SPATA16: variants seen among roughly 807,000 people sequenced by gnomAD.
SPATA16 encodes spermatogenesis-associated protein 16.
SPATA16 carries 36 observed loss-of-function variants against 63.3 expected under a neutral mutation model. The observed-to-expected ratio is 0.57, with a 90% CI of 0.44 to 0.75. SPATA16 has a LOEUF of 0.75. Ranked by LOEUF, SPATA16 falls within the 30% of genes least tolerant of loss-of-function variation. SPATA16 has a pLI of 0.00. For missense variants in SPATA16, 646 were observed against 679.3 expected, an observed-to-expected ratio of 0.95 and a Z score of 0.54; for synonymous variants, 203 against 216.7, an observed-to-expected ratio of 0.94 and a Z score of 0.56.
intron 6 of SPATA16, among the ~76,000 whole-genome samples, chr3:172,938,254 A>C (rs1733057878): frequency 1.3e-5 from 2 of 152,196 alleles, no homozygotes; most frequent in East Asian, 3.8e-4. Context: ...GGAGAGGTAA[A>C]AGGGAGAGGC....
intron 8 of SPATA16, among the ~76,000 whole-genome samples, chr3:172,921,657 G>C (rs1427397156): frequency 6.6e-6 from 1 of 151,968 alleles, no homozygotes; most frequent in African/African-American, 2.4e-5. Flanking sequence ...AAGAAAAAAA[G>C]AAGGTCTGTA....
At chr3:173,059,331 A>G (rs1368376002) in intron 2 of SPATA16, among the ~76,000 whole-genome samples, 2 of 129,068 alleles carry the variant, frequency 1.5e-5, no homozygotes, top group African/African-American at 6.0e-5. Flanking sequence ...TAGTTCTTTT[A>G]CTAATGTCTT....
At chr3:172,959,946 A>G (rs954219707) in intron 5 of SPATA16, among the ~76,000 whole-genome samples, 1 of 151,308 alleles carries the variant, frequency 6.6e-6, no homozygotes, top group African/African-American at 2.4e-5. Context: ...CAAAAGATTA[A>G]ATTTTCACTT....
chr3:173,094,096 T>C (rs1029969162), intron 2 of SPATA16, among the ~76,000 whole-genome samples: 1 of 152,024 alleles, frequency 6.6e-6, no homozygotes, highest in Non-Finnish European at 1.5e-5. Flanking sequence ...TTTCTTTGTA[T>C]AGTAACACAC....
At chr3:173,042,743 C>A (rs1252634282) in intron 3 of SPATA16, among the ~76,000 whole-genome samples, 1 of 152,060 alleles carries the variant, frequency 6.6e-6, no homozygotes, top group Non-Finnish European at 1.5e-5. Flanking sequence ...AGCAGGGATT[C>A]AAATCTATGC....
At chr3:173,067,732 T>C (rs1230697105) in intron 2 of SPATA16, among the ~76,000 whole-genome samples, 4 of 152,066 alleles carry the variant, frequency 2.6e-5, no homozygotes, top group African/African-American at 7.2e-5. Flanking sequence ...TCCAAACTTA[T>C]AGAAAGACAT....
At chr3:172,975,438 A>G (rs956429972) in intron 5 of SPATA16, among the ~76,000 whole-genome samples, 4 of 152,086 alleles carry the variant, frequency 2.6e-5, no homozygotes, top group East Asian at 1.9e-4. Context: ...ATATTTTCCA[A>G]TCCTTAAGAT....
rs560316393 is a variant in SPATA16, at chr3:173,131,677, C to T, written c.-19+9426G>A. 8.5e-5 allele frequency among the ~76,000 whole-genome samples: 13 copies of T among 152,212 alleles called. No individual in the cohort carries two copies. In the South Asian group the frequency reaches 2.5e-3, roughly 29 times the overall value. ...TTTGCGGTCTTACGAGACAAGGATC[C>T]ACAGGAGAAAGGGCTTTGGAGAAAC... is the stretch of plus-strand genomic sequence containing the variant. On this transcript the variant is annotated intron_variant, in intron 1 of 10. Coordinates refer to ENST00000351008, the MANE Select transcript of SPATA16 (RefSeq NM_031955.6).
intron 6 of SPATA16, among the ~76,000 whole-genome samples, chr3:172,939,859 C>T (rs1363451663): frequency 3.3e-5 from 5 of 152,186 alleles, no homozygotes; most frequent in African/African-American, 1.2e-4. Context: ...AAGAAACCAA[C>T]TATGTGATTA....
chr3:173,028,013 C>CCCTCCCTTCTTTCCTT (rs1560100953), intron 3 of SPATA16, among the ~76,000 whole-genome samples: 24 of 35,064 alleles, frequency 6.8e-4, no homozygotes, highest in African/African-American at 2.7e-3. Context: ...CTCCCTCCCT[C>CCCTCCCTTCTTTCCTT]CCTTCCTTCT....
intron 1 of SPATA16, among the ~76,000 whole-genome samples, chr3:173,139,679 A>C (rs963562206): frequency 3.3e-5 from 5 of 152,184 alleles, no homozygotes; most frequent in African/African-American, 9.7e-5. Context: ...AGCTTCAGTC[A>C]CTGTGTGTCT....
At chr3:173,026,519 G>A (rs1381022294) in intron 3 of SPATA16, among the ~76,000 whole-genome samples, 6 of 151,764 alleles carry the variant, frequency 4.0e-5, no homozygotes, top group Admixed American at 3.3e-4. Context: ...CTTAATCCAA[G>A]GTGACAAAGA....
chr3:173,088,011 T>C (rs1231264191), intron 2 of SPATA16, among the ~76,000 whole-genome samples: 1 of 28,954 alleles, frequency 3.5e-5, no homozygotes, highest in East Asian at 8.8e-4. Flanking sequence ...TCTTTCCGTC[T>C]TTCTTTCTTT....
chr3:173,038,979 G>A (rs946865046), intron 3 of SPATA16, among the ~76,000 whole-genome samples: 4 of 152,134 alleles, frequency 2.6e-5, no homozygotes, highest in South Asian at 2.1e-4. Flanking sequence ...CTAGCCAGCA[G>A]TTTTGCAAGG....
chr3:172,898,685 C>T (rs987684765), intron 10 of SPATA16, among the ~76,000 whole-genome samples: 16 of 150,150 alleles, frequency 1.1e-4, no homozygotes, highest in African/African-American at 3.9e-4. Context: ...CATTGATTTT[C>T]TTTATTTTTC....
intron 4 of SPATA16, among the ~76,000 whole-genome samples, chr3:173,011,016 A>G (rs148341058): frequency 1.5e-3 from 221 of 152,188 alleles, no homozygotes; most frequent in African/African-American, 5.0e-3. Flanking sequence ...TACAAAGAAG[A>G]GCTGGAGCAA....
At chr3:173,120,300 T>A (rs1391569086) in intron 1 of SPATA16, among the ~76,000 whole-genome samples, 1 of 152,206 alleles carries the variant, frequency 6.6e-6, no homozygotes, top group Non-Finnish European at 1.5e-5. Flanking sequence ...CTCTGTTGAA[T>A]GAACACTCCG....
chr3:173,095,605 C>T (rs1737332904), intron 2 of SPATA16, among the ~76,000 whole-genome samples: 2 of 151,990 alleles, frequency 1.3e-5, no homozygotes, highest in Admixed American at 1.3e-4. Context: ...AGAGATAATT[C>T]CAAGTTGGGT....
intron 2 of SPATA16, among the ~76,000 whole-genome samples, chr3:173,093,529 A>G (rs1478339877): frequency 6.6e-6 from 1 of 152,154 alleles, no homozygotes; most frequent in Non-Finnish European, 1.5e-5. Flanking sequence ...ACACAATAAA[A>G]AAGTTTTGAA....
Sources: allele counts gnomAD v4.1 joint callset (sites outside exome capture counted in the v4.1 genomes callset), GRCh38; gene constraint gnomAD v4.1.1; transcripts MANE v1.5; gene names NCBI Gene and HGNC (gene_info 2026-07-23, HGNC 2026-07-21).